The following CCNH variants were observed in gnomAD, a reference collection of about 807,000 sequenced individuals.
CCNH encodes cyclin H, also known as cyclin-H.
A neutral mutation model predicts 41.9 loss-of-function variants in CCNH; 31 were observed. The observed-to-expected ratio is 0.74, with a 90% confidence interval of 0.56 to 1.00. CCNH has a LOEUF of 1.00. CCNH is among the 50% of genes least tolerant of loss of function. The probability of loss-of-function intolerance (pLI) is 0.00; values close to 1 mark genes in which losing one functional copy is unlikely to be tolerated. For synonymous variants in CCNH, 138 were observed against 136.1 expected, an observed-to-expected ratio of 1.01 and a Z score of -0.10; for missense variants, 362 against 388.4, an observed-to-expected ratio of 0.93 and a Z score of 0.57.
rs1761370326 is a variant in CCNH, at chr5:87,376,961, CCTA to C, written n.217_219del. The C allele has an allele frequency of 6.2e-7, 1 of 1,611,814 alleles. No individual in the cohort carries two copies. The highest frequency in any genetic ancestry group is 8.5e-7 in the Non-Finnish European group (1 of 1,178,062). The stretch of plus-strand genomic sequence containing the variant: ...AAGACCGAACACTACTGGCCAGCAT[CCTA>C]CTGAGGATTTTTCTTCACGAAAAGC... On this transcript the variant is annotated non_coding_transcript_exon_variant, in exon 1 of 1. Coordinates refer to the CCNH transcript ENST00000607486.
In CCNH at chr5:87,407,997, C is replaced by A; in HGVS notation, c.504G>T (p.Glu168Asp). Reference sequence around the variant, plus strand: ...TTACCTTTAAGTCGATGAGGAAGCCCTCAAATGGTCTGTAAGGATTGTGGA... The same window carrying A: ...TTACCTTTAAGTCGATGAGGAAGCCATCAAATGGTCTGTAAGGATTGTGGA... ...LIVHNPYRPF[E>D]GFLIDLKTRY... Residue 168 changes from glutamate to aspartate, a missense_variant, in exon 4 of 9, where the codon GAG (glutamate) becomes GAT (aspartate). Coordinates refer to ENST00000256897, the MANE Select transcript of CCNH (RefSeq NM_001239.4). 1 of 1,612,666 alleles carries A rather than the reference C, an allele frequency of 6.2e-7. No homozygotes were observed. Among genetic ancestry groups the A allele is most frequent in the Non-Finnish European group, 8.5e-7 (1 of 1,178,756 alleles).
intron 9 of CCNH, among the ~76,000 whole-genome samples, chr5:87,368,338 T>G (rs1240319160): frequency 6.6e-6 from 1 of 152,206 alleles, no homozygotes; most frequent in African/African-American, 2.4e-5. Context: ...GGCAAAATTC[T>G]TGTTACCTAT....
At chr5:87,322,055 TG>T (rs1561280006) in intron 9 of CCNH, among the ~76,000 whole-genome samples, 1 of 152,108 alleles carries the variant, frequency 6.6e-6, no homozygotes, top group Non-Finnish European at 1.5e-5. Flanking sequence ...CCTCCATTGT[TG>T]GAAGTGGGGT....
chr5:87,385,542 T>C (rs1458320486), intron 9 of CCNH, among the ~76,000 whole-genome samples: 1 of 152,114 alleles, frequency 6.6e-6, no homozygotes, highest in Non-Finnish European at 1.5e-5. Context: ...AGTAGCTTGT[T>C]TAAATTTTAC....
At chr5:87,339,491 T>C (rs1216279934) in intron 9 of CCNH, among the ~76,000 whole-genome samples, 1 of 152,210 alleles carries the variant, frequency 6.6e-6, no homozygotes, top group Non-Finnish European at 1.5e-5. Flanking sequence ...CTCTCCTTGC[T>C]GTACCACCAT....
chr5:87,398,649 C>T (rs1763148081), intron 7 of CCNH, among the ~76,000 whole-genome samples: 1 of 152,094 alleles, frequency 6.6e-6, no homozygotes, highest in African/African-American at 2.4e-5. Context: ...GTTCTTATGG[C>T]TAGCCACAAG....
downstream of CCNH, among the ~76,000 whole-genome samples, chr5:87,313,508 C>T (rs1756080597): frequency 1.3e-5 from 2 of 152,138 alleles, no homozygotes; most frequent in African/African-American, 4.8e-5. Context: ...ATAGGCAGGA[C>T]TTTTTGACAG....
At chr5:87,322,367 T>C (rs1444073696) in intron 9 of CCNH, among the ~76,000 whole-genome samples, 1 of 152,144 alleles carries the variant, frequency 6.6e-6, no homozygotes, top group African/African-American at 2.4e-5. Flanking sequence ...GTGAGGGATA[T>C]AGGTTGTGTG....
chr5:87,398,866 A>G (rs3093828), intron 7 of CCNH, among the ~76,000 whole-genome samples: 2 of 152,066 alleles, frequency 1.3e-5, no homozygotes, highest in East Asian at 3.9e-4. Context: ...CCAGCTACTC[A>G]GGAGGCTGAG....
chr5:87,401,513 C>T (rs1474813358), intron 6 of CCNH, among the ~76,000 whole-genome samples, 189 bp downstream of exon 6: 2 of 152,140 alleles, frequency 1.3e-5, no homozygotes, highest in Non-Finnish European at 2.9e-5. Flanking sequence ...TAAATGAACA[C>T]TACTTCCTTC....
intron 9 of CCNH, among the ~76,000 whole-genome samples, chr5:87,330,395 A>G (rs1347452982): frequency 6.6e-6 from 1 of 152,186 alleles, no homozygotes; most frequent in Non-Finnish European, 1.5e-5. Context: ...ATATTATGTT[A>G]CATAATTGAA....
downstream of CCNH, among the ~76,000 whole-genome samples, chr5:87,316,137 G>C (rs531735800): frequency 2.9e-4 from 44 of 152,270 alleles, no homozygotes; most frequent in Middle Eastern, 0.017. Flanking sequence ...CTGTTTGTTT[G>C]AAAAAGCAAA....
chr5:87,405,091 TAAGA>T, intron 4 of CCNH, 84 bp from the exon 5 acceptor site: 1 of 910,460 alleles, frequency 1.1e-6, no homozygotes, highest in Non-Finnish European at 1.7e-6. Context: ...CAACTCCTAT[TAAGA>T]AATATATGCT....
chr5:87,380,974 T>C (rs1357377862), upstream of CCNH, among the ~76,000 whole-genome samples: 1 of 152,226 alleles, frequency 6.6e-6, no homozygotes, highest in African/African-American at 2.4e-5. Context: ...ATTGGTTTGT[T>C]ACAATCTGTG....
At chr5:87,391,117 A>G (rs1203745310), downstream of CCNH, 1 of 609,998 alleles carries the variant, frequency 1.6e-6, no homozygotes, top group East Asian at 2.8e-5. Flanking sequence ...ATCTTTAACA[A>G]CCTCTGAGCC....
At chr5:87,394,754 G>C (rs1762787033) in intron 8 of CCNH, 1 of 1,333,136 alleles carries the variant, frequency 7.5e-7, no homozygotes, top group Non-Finnish European at 9.6e-7. Flanking sequence ...TTTAAAAGGG[G>C]GTAAGGGAAA....
intron 9 of CCNH, among the ~76,000 whole-genome samples, chr5:87,371,162 A>G (rs1442835250): frequency 6.6e-6 from 1 of 152,128 alleles, no homozygotes; most frequent in African/African-American, 2.4e-5. Context: ...CATGTTTTGC[A>G]AGCCTAACAT....
chr5:87,346,844 C>T (rs1005280406), intron 9 of CCNH: 7 of 691,778 alleles, frequency 1.0e-5, no homozygotes, highest in African/African-American at 3.6e-5. Context: ...GTTATAATTT[C>T]GTGTCCAGTA....
chr5:87,338,532 TA>T (rs372828519), intron 9 of CCNH, among the ~76,000 whole-genome samples: 650 of 59,654 alleles, frequency 0.011, 27 homozygotes, highest in Admixed American at 0.068. Flanking sequence ...TATATATATA[TA>T]AAATTTTTTT....
Sources: allele counts gnomAD v4.1 joint callset (sites outside exome capture counted in the v4.1 genomes callset), GRCh38; gene constraint gnomAD v4.1.1; transcripts MANE v1.5; gene names NCBI Gene and HGNC (gene_info 2026-07-23, HGNC 2026-07-21).